SYNPR: variants seen among roughly 807,000 people sequenced by gnomAD.
SYNPR encodes synaptoporin.
Under a neutral mutation model 32.9 loss-of-function variants are expected in SYNPR, and 23 were observed. The ratio of observed to expected loss-of-function variants is 0.70; its 90% CI spans 0.50 to 0.99. The LOEUF (loss-of-function observed/expected upper bound fraction) is 0.99, where lower values mean the gene tolerates loss of function less well. Ranked by LOEUF, SYNPR falls within the 50% of genes least tolerant of loss-of-function variation. SYNPR has a pLI of 0.00. For synonymous variants in SYNPR, 146 were observed against 135.9 expected (o/e 1.07, Z -0.52); for missense variants, 318 against 349.3 (o/e 0.91, Z 0.71).
chr3:63,470,159 T>C (rs1700768192), intron 2 of SYNPR, among the ~76,000 whole-genome samples: 3 of 152,004 alleles, frequency 2.0e-5, no homozygotes, highest in South Asian at 4.2e-4. Context: ...TTTCTAGACC[T>C]CTTAAATTTC....
At chr3:63,546,718 A>G (rs192889296) in intron 3 of SYNPR, among the ~76,000 whole-genome samples, 13 of 152,138 alleles carry the variant, frequency 8.5e-5, no homozygotes, top group Admixed American at 1.3e-4. Flanking sequence ...CTTATGAAAA[A>G]AAAAGTTCCT....
intron 3 of SYNPR, among the ~76,000 whole-genome samples, chr3:63,523,046 A>G (rs1701944259): frequency 1.3e-5 from 2 of 152,156 alleles, no homozygotes; most frequent in Admixed American, 1.3e-4. Flanking sequence ...AGGTTGTAAC[A>G]GAGAAGTAGA....
chr3:63,227,610 C>G (rs1346309059), upstream of SYNPR, among the ~76,000 whole-genome samples: 1 of 152,140 alleles, frequency 6.6e-6, no homozygotes, highest in African/African-American at 2.4e-5. Flanking sequence ...TTCTGCTTCT[C>G]TATATTTGGC....
chr3:63,268,387 T>C (rs889857772), intron 3 of SYNPR, among the ~76,000 whole-genome samples: 1 of 152,172 alleles, frequency 6.6e-6, no homozygotes, highest in African/African-American at 2.4e-5. Context: ...TTAGGAGTAT[T>C]GACCCCCCAC....
At chr3:63,560,745 A>C (rs958413735) in intron 4 of SYNPR, among the ~76,000 whole-genome samples, 2 of 152,158 alleles carry the variant, frequency 1.3e-5, no homozygotes, top group African/African-American at 2.4e-5. Context: ...GGAACTACCA[A>C]ACACTTATAA....
At chr3:63,411,440 C>T (rs1486435984) in intron 2 of SYNPR, among the ~76,000 whole-genome samples, 1 of 152,148 alleles carries the variant, frequency 6.6e-6, no homozygotes, top group Non-Finnish European at 1.5e-5. Flanking sequence ...TCTCAGCTCT[C>T]ATACTAGCTA....
intron 2 of SYNPR, among the ~76,000 whole-genome samples, chr3:63,350,228 A>G (rs1040777141): frequency 3.4e-5 from 5 of 146,870 alleles, no homozygotes; most frequent in Non-Finnish European, 6.1e-5. Context: ...ACACACACAC[A>G]CACACACACA....
At chr3:63,550,006 A>T (rs1384392993) in intron 3 of SYNPR, 1 of 152,172 alleles carries the variant, frequency 6.6e-6, no homozygotes, top group Admixed American at 6.5e-5. Context: ...TTGCTCGCCG[A>T]CTAGTTCCTC....
At chr3:63,444,852 T>C (rs941894694) in intron 2 of SYNPR, among the ~76,000 whole-genome samples, 14 of 151,998 alleles carry the variant, frequency 9.2e-5, no homozygotes, top group African/African-American at 3.4e-4. Context: ...CCCAAGTTAT[T>C]ATATTGCCTT....
chr3:63,616,483 A>C lies in SYNPR; in HGVS notation c.*1002A>C, dbSNP rs1700280290. On this transcript the variant is annotated 3_prime_UTR_variant, in exon 6 of 6. Transcript: ENST00000478300. ...CCTCTACTACCAGCTATATTTTTAA[A>C]TCCTGTTTATTTGTAAAGCTAATAT... 6.6e-6 allele frequency: 1 copy of C among 152,634 alleles called. No individual in the cohort carries two copies. The highest frequency in any genetic ancestry group is 1.5e-5 in the Non-Finnish European group (1 of 68,036). The allele number at this position is 152,634 out of a possible 1,614,324, so 9.5% of individuals were successfully genotyped here. A position where few individuals can be genotyped will look rare whatever the true frequency, so the allele number is the denominator to read the frequency against.
At chr3:63,287,879 G>C (rs2086700865) in intron 2 of SYNPR, among the ~76,000 whole-genome samples, 1 of 152,104 alleles carries the variant, frequency 6.6e-6, no homozygotes, top group Admixed American at 6.5e-5. Context: ...GATAATGGTG[G>C]AGAACTTTTA....
At chr3:63,584,663 G>A (rs1383286486) in intron 4 of SYNPR, among the ~76,000 whole-genome samples, 1 of 152,066 alleles carries the variant, frequency 6.6e-6, no homozygotes, top group Non-Finnish European at 1.5e-5. Context: ...ACAATGCCTG[G>A]TATAGAAAAA....
chr3:63,324,745 A>T (rs922815018), intron 2 of SYNPR, among the ~76,000 whole-genome samples: 3 of 152,138 alleles, frequency 2.0e-5, no homozygotes, highest in Non-Finnish European at 4.4e-5. Context: ...CTCACCAGGC[A>T]GCAAGTTGAG....
intron 2 of SYNPR, among the ~76,000 whole-genome samples, chr3:63,356,785 G>A (rs6793581): frequency 1.3e-4 from 20 of 152,190 alleles, no homozygotes; most frequent in African/African-American, 4.3e-4. Flanking sequence ...CAAACTTATA[G>A]GCAGCTTTAG....
chr3:63,394,078 G>C (rs372336592), intron 2 of SYNPR, among the ~76,000 whole-genome samples: 1 of 152,058 alleles, frequency 6.6e-6, no homozygotes, highest in East Asian at 1.9e-4. Flanking sequence ...ATTTATTTTA[G>C]CCAATACTTC....
chr3:63,423,489 T>C (rs9843385), intron 2 of SYNPR: 50,847 of 152,250 alleles, frequency 0.33, 9,115 homozygotes, highest in Middle Eastern at 0.41. Context: ...AGAAAGGATT[T>C]ACAAATGTTG....
intron 2 of SYNPR, among the ~76,000 whole-genome samples, chr3:63,400,492 A>G (rs1560217846): frequency 6.6e-6 from 1 of 152,206 alleles, no homozygotes; most frequent in Admixed American, 6.5e-5. Context: ...TTCACTGTCT[A>G]TTGGCTTTCT....
Position 63,380,374 on chromosome 3 carries a change from G to A in SYNPR, c.85-100458G>A, listed in dbSNP as rs145978701. Among the ~76,000 whole-genome samples the A allele has an allele frequency of 4.2e-3, 640 of 152,166 alleles. 5 individuals carry two copies. Among genetic ancestry groups the A allele is most frequent in the African/African-American group, 0.014 (600 of 41,510 alleles). On this transcript the variant is annotated intron_variant, in intron 2 of 5. Transcript: ENST00000478300. ...GTTGTTTCCTGACTTTTTAGTGATC[G>A]CCACTCTAACTGGTGTGAGATGGTA...
chr3:63,443,497 G>C, intron 2 of SYNPR: 1 of 1,600,788 alleles, frequency 6.2e-7, no homozygotes, highest in Non-Finnish European at 8.5e-7. Flanking sequence ...TTGATTTACA[G>C]CTGGCTGTGG....
Sources: gnomAD v4.1 joint callset for allele counts (sites outside exome capture counted in the v4.1 genomes callset) on GRCh38, gnomAD v4.1.1 for gene constraint, MANE v1.5 for transcripts, NCBI Gene and HGNC (gene_info 2026-07-23, HGNC 2026-07-21) for gene names.